GPC5: variants seen among roughly 807,000 people sequenced by gnomAD.
The protein encoded by GPC5 is glypican 5, also known as glypican-5.
GPC5 carries 47 observed loss-of-function variants against 53.9 expected under a neutral mutation model. The observed-to-expected ratio is 0.87, with a 90% confidence interval of 0.69 to 1.11. The LOEUF is 1.11. GPC5 is among the 50% of genes most tolerant of loss of function. The pLI is 0.00. For synonymous variants in GPC5, 286 were observed against 263.3 expected, an observed-to-expected ratio of 1.09 and a Z score of -0.84; for missense variants, 748 against 713.1, an observed-to-expected ratio of 1.05 and a Z score of -0.56.
intron 2 of GPC5, among the ~76,000 whole-genome samples, chr13:91,651,167 A>G (rs2034699885): frequency 6.6e-6 from 1 of 152,156 alleles, no homozygotes. Flanking sequence ...TACCCCAAAA[A>G]TGCATGTGGC....
chr13:91,677,223 T>C (rs552498328), intron 2 of GPC5, among the ~76,000 whole-genome samples: 2 of 152,342 alleles, frequency 1.3e-5, no homozygotes, highest in South Asian at 4.1e-4. Flanking sequence ...AGAGGAATTA[T>C]GGCTCAATCC....
Position 91,562,215 on chromosome 13 carries a change from A to G in GPC5, c.325+113293A>G, listed in dbSNP as rs200362966. 4.4e-3 allele frequency among the ~76,000 whole-genome samples: 434 copies of G among 98,958 alleles called. 4 individuals carry two copies. The highest frequency in any genetic ancestry group is 0.015 in the African/African-American group (416 of 27,434). 64.9% of individuals were successfully genotyped at this position (98,958 alleles called of 152,430 possible). ...AAAAAAAAAAAAAAAAAAAAAAAAA[A>G]TAGAGAATTCACAATGCAGGTAATA... On this transcript the variant is annotated intron_variant, in intron 2 of 7. Transcript: ENST00000377067.
chr13:92,004,484 ATATAT>A (rs2040587819), intron 6 of GPC5, among the ~76,000 whole-genome samples: 5 of 137,924 alleles, frequency 3.6e-5, no homozygotes, highest in African/African-American at 1.4e-4. Context: ...ATATATATAT[ATATAT>A]AATTACACTA....
At position 92,172,960 on chromosome 13, in the gene GPC5, C is replaced by T. The variant is rs73622767; in HGVS notation, c.1561+27971C>T. Among the ~76,000 whole-genome samples the T allele has an allele frequency of 8.9e-3, 852 of 95,508 alleles. 28 individuals are homozygous for T. The highest frequency in any genetic ancestry group is 0.024 in the African/African-American group (816 of 33,632). The allele number at this position is 95,508 out of a possible 152,430, so 62.7% of individuals were successfully genotyped here. A position where few individuals can be genotyped will look rare whatever the true frequency, so the allele number is the denominator to read the frequency against. ...AGGCAATTATTTTAATTTGACTATA[C>T]CTGTTAACAATATAAGAAACGTTGC... On this transcript the variant is annotated intron_variant, in intron 7 of 7. Transcript: ENST00000377067.
At chr13:92,576,637 G>T (rs1399129544) in intron 7 of GPC5, among the ~76,000 whole-genome samples, 2 of 152,098 alleles carry the variant, frequency 1.3e-5, no homozygotes, top group Non-Finnish European at 2.9e-5. Flanking sequence ...ATAATTTAAT[G>T]AATCCCTATG....
intron 7 of GPC5, among the ~76,000 whole-genome samples, chr13:92,548,589 A>T (rs940042817): frequency 6.6e-6 from 1 of 152,100 alleles, no homozygotes; most frequent in African/African-American, 2.4e-5. Context: ...TAGAAATAGT[A>T]TGAGTAAAAT....
chr13:92,522,453 T>A (rs1043809943), intron 7 of GPC5, among the ~76,000 whole-genome samples: 8 of 152,026 alleles, frequency 5.3e-5, no homozygotes, highest in Non-Finnish European at 1.2e-4. Flanking sequence ...AAAGGATGAG[T>A]TCATGTCCTG....
chr13:91,716,394 G>A (rs1015529820), intron 3 of GPC5, among the ~76,000 whole-genome samples: 1 of 151,884 alleles, frequency 6.6e-6, no homozygotes, highest in South Asian at 2.1e-4. Context: ...AGAGACTATT[G>A]GTTTCTCATA....
At chr13:92,205,572 A>C (rs1005328673) in intron 7 of GPC5, among the ~76,000 whole-genome samples, 2 of 152,226 alleles carry the variant, frequency 1.3e-5, no homozygotes, top group African/African-American at 4.8e-5. Flanking sequence ...GGGCAAGGAC[A>C]AATTCTTTAC....
At chr13:92,864,114 T>G (rs1879270220) in intron 7 of GPC5, among the ~76,000 whole-genome samples, 1 of 152,208 alleles carries the variant, frequency 6.6e-6, no homozygotes, top group Non-Finnish European at 1.5e-5. Flanking sequence ...TTCATGGAGC[T>G]AGAATTTTTG....
chr13:91,435,204 G>A (rs1439507562), intron 1 of GPC5, among the ~76,000 whole-genome samples: 1 of 152,124 alleles, frequency 6.6e-6, no homozygotes, highest in East Asian at 1.9e-4. Flanking sequence ...GATTGCCCTG[G>A]CCAGAACTTC....
chr13:92,440,255 C>T (rs1877493221), intron 7 of GPC5, among the ~76,000 whole-genome samples: 1 of 152,204 alleles, frequency 6.6e-6, no homozygotes. Context: ...ACCCCTCCCT[C>T]TCTCTCCATT....
intron 2 of GPC5, among the ~76,000 whole-genome samples, chr13:91,496,772 A>G (rs1884289603): frequency 6.6e-6 from 1 of 152,186 alleles, no homozygotes; most frequent in African/African-American, 2.4e-5. Context: ...TTCAAAAATA[A>G]CTAAAAGAGT....
intron 2 of GPC5, among the ~76,000 whole-genome samples, chr13:91,489,226 T>G (rs618715): frequency 0.75 from 113,577 of 152,096 alleles, 44,286 homozygotes; most frequent in East Asian, 1. Context: ...ACTCACACCC[T>G]ATTCGTACAC....
rs533494710 is a variant in GPC5 at position 92,310,969 on chromosome 13, C to T, written c.1561+165980C>T. On this transcript the variant is annotated intron_variant, in intron 7 of 7. Transcript: ENST00000377067. ...TTGAATGTATCATATCATTATTCCACGAATATTTTCTATGTCAATGGCAGC... is the reference window on the plus strand; with the variant it reads ...TTGAATGTATCATATCATTATTCCATGAATATTTTCTATGTCAATGGCAGC... Among the ~76,000 whole-genome samples the T allele has an allele frequency of 7.2e-5, 11 of 152,084 alleles. No homozygotes were observed. In the South Asian group the frequency reaches 1.4e-3, roughly 20 times the overall value.
chr13:91,674,797 ACAT>A (rs1279910598), intron 2 of GPC5, among the ~76,000 whole-genome samples: 1 of 151,364 alleles, frequency 6.6e-6, no homozygotes, highest in Non-Finnish European at 1.5e-5. Context: ...AGACATTAAA[ACAT>A]CATTCCTGTC....
intron 7 of GPC5, among the ~76,000 whole-genome samples, chr13:92,792,314 T>C (rs974846192): frequency 2.0e-5 from 3 of 152,090 alleles, no homozygotes; most frequent in South Asian, 2.1e-4. Flanking sequence ...TCAAGCTTCA[T>C]AAGTGAAGGA....
intron 7 of GPC5, among the ~76,000 whole-genome samples, chr13:92,628,260 C>CTTTTTTTTTTTTTTTTTTTTTTTTT (rs1286424637): frequency 8.0e-5 from 3 of 37,548 alleles, no homozygotes; most frequent in African/African-American, 2.5e-4. Context: ...TTTTCTTTTT[C>CTTTTTTTTTTTTTTTTTTTTTTTTT]TTTCTTTTTT....
chr13:92,224,491 C>A (rs1049422053), intron 7 of GPC5, among the ~76,000 whole-genome samples: 1 of 152,228 alleles, frequency 6.6e-6, no homozygotes, highest in Non-Finnish European at 1.5e-5. Context: ...GGCCTGCCTG[C>A]AAGGCTGGCC....
Sources: gnomAD v4.1 joint callset for allele counts (sites outside exome capture counted in the v4.1 genomes callset) on GRCh38, gnomAD v4.1.1 for gene constraint, MANE v1.5 for transcripts, NCBI Gene and HGNC (gene_info 2026-07-23, HGNC 2026-07-21) for gene names.